Variants in PLEKHG1 observed in about 807,000 individuals in gnomAD.
The protein encoded by PLEKHG1 is pleckstrin homology and RhoGEF domain containing G1, also known as pleckstrin homology domain-containing family G member 1.
A neutral mutation model predicts 100.8 loss-of-function variants in PLEKHG1; 44 were observed. That is an observed-to-expected ratio of 0.44 (90% confidence interval 0.34 to 0.56). The LOEUF (loss-of-function observed/expected upper bound fraction) is 0.56, where lower values mean the gene tolerates loss of function less well. Among genes scored for constraint, PLEKHG1 ranks in the 20% least tolerant of loss-of-function variants. The pLI, the probability that PLEKHG1 is intolerant of heterozygous loss-of-function variation, is 0.01. For missense variants in PLEKHG1, 1,545 were observed against 1,720.9 expected, an observed-to-expected ratio of 0.90 and a Z score of 1.81; for synonymous variants, 640 against 662.5, an observed-to-expected ratio of 0.97 and a Z score of 0.52.
intron 1 of PLEKHG1, among the ~76,000 whole-genome samples, chr6:150,608,695 G>T (rs1353274663): frequency 2.0e-5 from 3 of 152,132 alleles, no homozygotes; most frequent in Non-Finnish European, 4.4e-5. Flanking sequence ...TATAGTACTA[G>T]TTTAAGTTGG....
At chr6:150,736,081 T>C (rs1184580161) in intron 2 of PLEKHG1, among the ~76,000 whole-genome samples, 1 of 152,220 alleles carries the variant, frequency 6.6e-6, no homozygotes, top group Non-Finnish European at 1.5e-5. Flanking sequence ...GTTTTGGCCT[T>C]ATGGGGCCTA....
At chr6:150,635,465 T>C (rs1203616687) in intron 1 of PLEKHG1, among the ~76,000 whole-genome samples, 1 of 152,222 alleles carries the variant, frequency 6.6e-6, no homozygotes, top group Admixed American at 6.5e-5. Context: ...TTAAAAACAA[T>C]TGGGAAACAA....
rs527398841 is a variant in PLEKHG1 at position 150,733,306 on chromosome 6, A to G, written c.-98-278A>G. ...CAGGTCTAGTGTTTCTCAAACTTTA[A>G]TGCTTCTAAGTCATTCTGGGATTTT... is the stretch of plus-strand genomic sequence containing the variant. On this transcript the variant is annotated intron_variant, in intron 1 of 15. Coordinates refer to ENST00000358517, the Ensembl canonical transcript of PLEKHG1. 2.0e-5 allele frequency among the ~76,000 whole-genome samples: 3 copies of G among 152,220 alleles called. No individual in the cohort carries two copies. In the East Asian group the frequency reaches 5.8e-4, roughly 29 times the overall value.
chr6:150,816,193 T>C (rs978428492), intron 10 of PLEKHG1, among the ~76,000 whole-genome samples: 2 of 152,064 alleles, frequency 1.3e-5, no homozygotes, highest in African/African-American at 4.8e-5. Context: ...TCACTGTCAC[T>C]GCAGAAAACC....
chr6:150,780,803 C>T (rs1158085231), intron 3 of PLEKHG1, among the ~76,000 whole-genome samples: 1 of 152,044 alleles, frequency 6.6e-6, no homozygotes, highest in Non-Finnish European at 1.5e-5. Context: ...TTTGATGAAT[C>T]CAATTTTTCT....
intron 5 of PLEKHG1, 100 bp downstream of exon 6, chr6:150,796,002 C>G: frequency 1.3e-6 from 1 of 774,486 alleles, no homozygotes; most frequent in South Asian, 1.6e-5. Context: ...CTGTGCCTGG[C>G]CTTGTGCTGA....
intron 10 of PLEKHG1, among the ~76,000 whole-genome samples, chr6:150,817,262 G>A (rs1156931372): frequency 6.6e-6 from 1 of 152,200 alleles, no homozygotes; most frequent in Non-Finnish European, 1.5e-5. Context: ...TGCCTGAGCT[G>A]GGATCACAGA....
chr6:150,689,450 T>TA (rs1231321974), intron 3 of PLEKHG1, among the ~76,000 whole-genome samples: 3 of 152,328 alleles, frequency 2.0e-5, no homozygotes, highest in East Asian at 1.9e-4. Flanking sequence ...TAATCTTTGT[T>TA]AAAAAAATCT....
intron 1 of PLEKHG1, among the ~76,000 whole-genome samples, chr6:150,637,863 A>G (rs761351183): frequency 6.6e-6 from 1 of 152,178 alleles, no homozygotes; most frequent in African/African-American, 2.4e-5. Flanking sequence ...CTAGAAATCG[A>G]GTAGGTGGAT....
intron 4 of PLEKHG1, among the ~76,000 whole-genome samples, chr6:150,791,774 A>G (rs1785998771): frequency 6.6e-6 from 1 of 152,204 alleles, no homozygotes; most frequent in East Asian, 1.9e-4. Flanking sequence ...GAACAAAACT[A>G]AGGTTCCAAA....
At position 150,634,249 on chromosome 6, in the gene PLEKHG1, C is replaced by G. The variant is rs537254724; in HGVS notation, c.-203-3831C>G. Among the ~76,000 whole-genome samples the G allele has an allele frequency of 9.2e-5, 10 of 108,930 alleles. No homozygotes were observed. The East Asian group carries it at 1.5e-3, about 16-fold the overall frequency. 71.5% of individuals were successfully genotyped at this position (108,930 alleles called of 152,430 possible). A position where few individuals can be genotyped will look rare whatever the true frequency, so the allele number is the denominator to read the frequency against. On this transcript the variant is annotated intron_variant, in intron 1 of 3. Transcript: ENST00000367326. ...ACAAGAGCAAAACTCGATCTCCCCCCCAAAAAAAAAAAAGAAAAAAAGAGG... is the reference window on the plus strand; with the variant it reads ...ACAAGAGCAAAACTCGATCTCCCCCGCAAAAAAAAAAAAGAAAAAAAGAGG...
At chr6:150,799,575 G>A (rs980825288) in intron 5 of PLEKHG1, among the ~76,000 whole-genome samples, 2 of 152,294 alleles carry the variant, frequency 1.3e-5, no homozygotes, top group Non-Finnish European at 2.9e-5. Context: ...TGGCCAAAGG[G>A]CTACAGAGCA....
chr6:150,682,767 G>A (rs1001773150), intron 3 of PLEKHG1, among the ~76,000 whole-genome samples: 11 of 152,154 alleles, frequency 7.2e-5, no homozygotes, highest in African/African-American at 2.4e-4. Flanking sequence ...GAAAGCAAGA[G>A]TGCAGCCAGA....
intron 2 of PLEKHG1, among the ~76,000 whole-genome samples, chr6:150,755,474 A>G (rs1001433003): frequency 6.6e-6 from 1 of 152,164 alleles, no homozygotes; most frequent in African/African-American, 2.4e-5. Context: ...TTTGAACCCA[A>G]AAAGGCTCCA....
intron 13 of PLEKHG1, among the ~76,000 whole-genome samples, chr6:150,821,929 C>T (rs1232954831): frequency 1.3e-5 from 2 of 150,322 alleles, no homozygotes; most frequent in African/African-American, 2.4e-5. Flanking sequence ...TCAACCTCTG[C>T]CTCCCAGGTT....
At chr6:150,634,941 T>C (rs1042459310) in intron 1 of PLEKHG1, among the ~76,000 whole-genome samples, 3 of 152,214 alleles carry the variant, frequency 2.0e-5, no homozygotes, top group Non-Finnish European at 2.9e-5. Flanking sequence ...GGGAGCATTT[T>C]TGGGGGATGT....
At chr6:150,626,830 G>A (rs534458115) in intron 1 of PLEKHG1, among the ~76,000 whole-genome samples, 38 of 152,200 alleles carry the variant, frequency 2.5e-4, no homozygotes, top group South Asian at 1.7e-3. Flanking sequence ...GTGTGTGTGC[G>A]TGTGTGTGTG....
At chr6:150,808,790 G>C (rs1021425888) in intron 7 of PLEKHG1, among the ~76,000 whole-genome samples, 10 of 152,094 alleles carry the variant, frequency 6.6e-5, no homozygotes, top group African/African-American at 1.7e-4. Context: ...AAGGGAAAGA[G>C]GCCATACTGG....
chr6:150,696,763 T>G (rs186215298), intron 3 of PLEKHG1, among the ~76,000 whole-genome samples: 2 of 152,246 alleles, frequency 1.3e-5, no homozygotes, highest in East Asian at 3.9e-4. Context: ...TTAAAAGTAT[T>G]CCCGTGTGCA....
Sources: gnomAD v4.1 joint callset for allele counts (sites outside exome capture counted in the v4.1 genomes callset) on GRCh38, gnomAD v4.1.1 for gene constraint, MANE v1.5 for transcripts, NCBI Gene and HGNC (gene_info 2026-07-23, HGNC 2026-07-21) for gene names.